Variants in MED12L observed in about 807,000 individuals in gnomAD.
The protein encoded by MED12L is mediator complex subunit 12L, also known as mediator of RNA polymerase II transcription subunit 12-like protein.
Under a neutral mutation model 281.3 loss-of-function variants are expected in MED12L, and 60 were observed. The observed-to-expected ratio is 0.21, with a 90% CI of 0.17 to 0.26. The LOEUF is 0.26. Among genes scored for constraint, MED12L ranks in the 10% least tolerant of loss-of-function variants. The pLI is 1.00. For missense variants in MED12L, 2,146 were observed against 2,680.9 expected (o/e 0.80, Z 4.41); for synonymous variants, 974 against 987.2 (o/e 0.99, Z 0.25).
At chr3:151,318,162 G>T (rs1425258155) in intron 16 of MED12L, among the ~76,000 whole-genome samples, 1 of 151,132 alleles carries the variant, frequency 6.6e-6, no homozygotes, top group Non-Finnish European at 1.5e-5. Flanking sequence ...ATTCTGCTTT[G>T]GGTGGATTAA....
chr3:151,161,642 G>A (rs1720002966), intron 8 of MED12L, among the ~76,000 whole-genome samples: 1 of 152,218 alleles, frequency 6.6e-6, no homozygotes, highest in Admixed American at 6.5e-5. Context: ...TGCAACGTAT[G>A]TTATTAAGTC....
chr3:151,262,282 T>C (rs539685239), intron 16 of MED12L, among the ~76,000 whole-genome samples: 4 of 152,336 alleles, frequency 2.6e-5, no homozygotes, highest in African/African-American at 9.6e-5. Context: ...ACACTAGTGA[T>C]AGTTTGGATT....
chr3:151,186,950 G>A (rs956816028), intron 12 of MED12L, among the ~76,000 whole-genome samples: 10 of 152,286 alleles, frequency 6.6e-5, no homozygotes, highest in African/African-American at 2.4e-4. Context: ...GACTGGATGA[G>A]CCTTAGCTGG....
chr3:151,105,618 A>G, intron 2 of MED12L, among the ~76,000 whole-genome samples: 1 of 152,044 alleles, frequency 6.6e-6, no homozygotes, highest in East Asian at 1.9e-4. Context: ...ATCCTCCTCT[A>G]ACTGGCTATT....
intron 16 of MED12L, chr3:151,338,621 C>T (rs1427451276): frequency 3.1e-6 from 5 of 1,613,856 alleles, no homozygotes; most frequent in Non-Finnish European, 4.2e-6. Flanking sequence ...ATGGAAAAGT[C>T]AGAATCATGA....
intron 39 of MED12L, among the ~76,000 whole-genome samples, chr3:151,408,820 T>A (rs1372878375): frequency 6.6e-6 from 1 of 152,246 alleles, no homozygotes; most frequent in Admixed American, 6.5e-5. Context: ...AGAAGCTTCA[T>A]TAAAAAGTCA....
intron 16 of MED12L, among the ~76,000 whole-genome samples, chr3:151,214,570 C>G (rs767100865): frequency 6.8e-6 from 1 of 146,428 alleles, no homozygotes; most frequent in Non-Finnish European, 1.5e-5. Flanking sequence ...TACCCACCAA[C>G]CCCCACTCCT....
rs1448460503 is a variant in MED12L, at chr3:151,220,171, A to C, written c.2250+26505A>C. Among the ~76,000 whole-genome samples the C allele has an allele frequency of 2.0e-5, 3 of 149,808 alleles. No homozygotes were observed. In the South Asian group the frequency reaches 6.5e-4, roughly 32 times the overall value. On this transcript the variant is annotated intron_variant, in intron 16 of 44. Coordinates refer to ENST00000687756, the MANE Select transcript of MED12L (RefSeq NM_001393769.1). ...AGTTGCGGTAATCAAAAATGTTTCTAGACTTTGCCAAATGTCCTCTGAGGG... is the reference window on the plus strand; with the variant it reads ...AGTTGCGGTAATCAAAAATGTTTCTCGACTTTGCCAAATGTCCTCTGAGGG...
chr3:151,186,560 CTTG>C (rs1723313013), intron 12 of MED12L, among the ~76,000 whole-genome samples: 1 of 152,144 alleles, frequency 6.6e-6, no homozygotes, highest in African/African-American at 2.4e-5. Context: ...GGCCTCTGCT[CTTG>C]TTGTTCCTTC....
At chr3:151,421,763 TC>T (rs1163070797) in intron 43 of MED12L, among the ~76,000 whole-genome samples, 2 of 152,086 alleles carry the variant, frequency 1.3e-5, no homozygotes, top group East Asian at 3.8e-4. Context: ...TCTTAATAGT[TC>T]CACTAAGATG....
chr3:151,176,479 A>G (rs185866893), intron 11 of MED12L, among the ~76,000 whole-genome samples: 33 of 152,326 alleles, frequency 2.2e-4, no homozygotes, highest in African/African-American at 7.7e-4. Context: ...GAGGACATAA[A>G]TGAAATTGCT....
rs916869269 is a variant in MED12L, at chr3:151,433,467, A to G, written c.*663A>G. On this transcript the variant is annotated 3_prime_UTR_variant, in exon 45 of 45. Transcript: ENST00000687756. ...CTTCTTAAACCAAGAACCTAAACCA[A>G]GGTTTCTTTGAGAGCCGCCCTAAGA... is the stretch of plus-strand genomic sequence containing the variant. 1 of 152,646 alleles carries G rather than the reference A, an allele frequency of 6.6e-6. No individual in the cohort carries two copies. The highest frequency in any genetic ancestry group is 1.5e-5 in the Non-Finnish European group (1 of 68,038). 9.5% of individuals were successfully genotyped at this position (152,646 alleles called of 1,614,324 possible).
chr3:151,411,868 T>A (rs1716977237), intron 41 of MED12L, among the ~76,000 whole-genome samples: 1 of 152,228 alleles, frequency 6.6e-6, no homozygotes, highest in Admixed American at 6.5e-5. Context: ...AGGAATGCCT[T>A]ACTACAATTT....
chr3:151,144,093 G>A lies in MED12L; in HGVS notation c.557-12068G>A, dbSNP rs935374174. On this transcript the variant is annotated intron_variant, in intron 5 of 44. Transcript: ENST00000687756. ...CCTGTTGGTGGCACATGTTCAGTGT[G>A]TCCCTCTGTTAGAAGGAAGCCCCCG... Among the ~76,000 whole-genome samples, 7 of 152,300 alleles carry A rather than the reference G, an allele frequency of 4.6e-5. No individual in the cohort carries two copies. In the East Asian group the frequency reaches 1.2e-3, roughly 25 times the overall value.
intron 16 of MED12L, among the ~76,000 whole-genome samples, chr3:151,329,204 G>A (rs916568072): frequency 1.3e-5 from 2 of 152,006 alleles, no homozygotes; most frequent in African/African-American, 4.8e-5. Flanking sequence ...TACATTTTTG[G>A]TACTTTTAAC....
At chr3:151,245,592 A>G (rs1309427455) in intron 16 of MED12L, among the ~76,000 whole-genome samples, 1 of 150,640 alleles carries the variant, frequency 6.6e-6, no homozygotes, top group Non-Finnish European at 1.5e-5. Flanking sequence ...AAAACTCTCA[A>G]TAAATTAGGT....
intron 5 of MED12L, among the ~76,000 whole-genome samples, chr3:151,139,351 CAA>C (rs1716597006): frequency 6.6e-6 from 1 of 152,198 alleles, no homozygotes; most frequent in Admixed American, 6.5e-5. Context: ...GAGTTGAGCA[CAA>C]AGAGTGCTTA....
chr3:151,241,032 A>G (rs1733966354), intron 16 of MED12L, among the ~76,000 whole-genome samples: 1 of 152,220 alleles, frequency 6.6e-6, no homozygotes, highest in Admixed American at 6.5e-5. Flanking sequence ...AGATGAGAGT[A>G]TCTGTGTAAA....
At position 151,365,030 on chromosome 3, in the gene MED12L, A is replaced by C. The variant is rs1032412950; in HGVS notation, c.3009A>C (p.Ala1003=). The change falls in exon 22 of 45, where the codon GCA becomes GCC. Residue 1003 remains alanine (A), a synonymous_variant. Transcript: ENST00000687756. ...KQTIYNNVMP[A]NSNLRWDPDF... ...CCATATATAATAACGTGATGCCTGC[A>C]AATTCGAACTTGCGATGGGATCCAG... 6 of 1,613,992 alleles carry C rather than the reference A, an allele frequency of 3.7e-6. No homozygotes were observed. In the African/African-American group the frequency reaches 8.0e-5, roughly 22 times the overall value.
Sources: gnomAD v4.1 joint callset for allele counts (sites outside exome capture counted in the v4.1 genomes callset) on GRCh38, gnomAD v4.1.1 for gene constraint, MANE v1.5 for transcripts, NCBI Gene and HGNC (gene_info 2026-07-23, HGNC 2026-07-21) for gene names.